The following PCDH15 variants were observed in gnomAD, a reference collection of about 807,000 sequenced individuals.
PCDH15 encodes the protein protocadherin related 15.
In PCDH15, 129 loss-of-function variants were observed where a neutral mutation model predicts 178.5. The observed-to-expected ratio is 0.72, with a 90% CI of 0.63 to 0.84. PCDH15 has a LOEUF of 0.84. Among genes scored for constraint, PCDH15 ranks in the 40% least tolerant of loss-of-function variants. The pLI is 0.00. For missense variants in PCDH15, 2,230 were observed against 2,099.9 expected (o/e 1.06, Z -1.21); for synonymous variants, 800 against 732.0 (o/e 1.09, Z -1.50).
intron 2 of PCDH15, among the ~76,000 whole-genome samples, chr10:55,147,831 C>CTTTTTCTCCTCTTCCTA (rs1564838358): frequency 6.6e-6 from 1 of 151,172 alleles, no homozygotes; most frequent in East Asian, 1.9e-4. Flanking sequence ...TCCTCTTCCT[C>CTTTTTCTCCTCTTCCTA]CTTTTTCTCC....
At chr10:53,870,432 T>C (rs533812699) in intron 26 of PCDH15, among the ~76,000 whole-genome samples, 2 of 152,230 alleles carry the variant, frequency 1.3e-5, no homozygotes, top group Admixed American at 6.5e-5. Context: ...GTCATATGTA[T>C]GTTATACAGT....
At chr10:55,493,787 A>G (rs915806320) in intron 2 of PCDH15, among the ~76,000 whole-genome samples, 3 of 151,906 alleles carry the variant, frequency 2.0e-5, no homozygotes, top group African/African-American at 2.4e-5. Context: ...AAATTAAGTG[A>G]TTAAGTGATT....
chr10:54,646,177 A>T (rs1243249982), intron 2 of PCDH15, among the ~76,000 whole-genome samples: 1 of 152,066 alleles, frequency 6.6e-6, no homozygotes, highest in Non-Finnish European at 1.5e-5. Context: ...TCTTTTTGTA[A>T]TCTATTGCAG....
chr10:54,990,838 GA>G (rs1247692173), intron 2 of PCDH15, among the ~76,000 whole-genome samples: 1 of 151,970 alleles, frequency 6.6e-6, no homozygotes, highest in African/African-American at 2.4e-5. Context: ...GAAAGGAAAG[GA>G]AATCCCCTCA....
intron 2 of PCDH15, among the ~76,000 whole-genome samples, chr10:55,139,433 A>C (rs1838289047): frequency 6.6e-6 from 1 of 152,074 alleles, no homozygotes; most frequent in Non-Finnish European, 1.5e-5. Context: ...ATATAAGTCC[A>C]TGCTCCATTT....
chr10:55,320,756 A>G (rs535541331), upstream of PCDH15, among the ~76,000 whole-genome samples: 5 of 152,302 alleles, frequency 3.3e-5, no homozygotes, highest in South Asian at 1.0e-3. Context: ...GATATCAAAG[A>G]TAAAAGAAAA....
chr10:54,997,804 T>G (rs975816378), intron 2 of PCDH15, among the ~76,000 whole-genome samples: 1 of 152,118 alleles, frequency 6.6e-6, no homozygotes, highest in South Asian at 2.1e-4. Context: ...CTAAAAAAAA[T>G]GAAAGATTCC....
intron 3 of PCDH15, among the ~76,000 whole-genome samples, chr10:54,394,584 G>A (rs1301065609): frequency 6.6e-6 from 1 of 152,180 alleles, no homozygotes; most frequent in East Asian, 1.9e-4. Context: ...AAGATCACAG[G>A]ACCGCAGGAC....
intron 1 of PCDH15, among the ~76,000 whole-genome samples, chr10:55,273,306 A>G (rs953711542): frequency 1.3e-5 from 2 of 152,130 alleles, no homozygotes; most frequent in African/African-American, 4.8e-5. Flanking sequence ...TGTCATTTCA[A>G]CATCTTACTA....
intron 2 of PCDH15, among the ~76,000 whole-genome samples, chr10:55,351,560 A>C (rs2131967654): frequency 6.6e-6 from 1 of 152,238 alleles, no homozygotes; most frequent in East Asian, 1.9e-4. Flanking sequence ...AAGTCTTTAT[A>C]ATCCCCTTTT....
chr10:54,550,187 GTTTGT>G (rs544199156), intron 2 of PCDH15, among the ~76,000 whole-genome samples: 3 of 152,068 alleles, frequency 2.0e-5, no homozygotes, highest in Non-Finnish European at 2.9e-5. Flanking sequence ...TTTAAAAAGA[GTTTGT>G]TTTGTTTTGT....
intron 2 of PCDH15, among the ~76,000 whole-genome samples, chr10:55,483,128 T>C (rs912557958): frequency 6.6e-6 from 1 of 151,544 alleles, no homozygotes; most frequent in Non-Finnish European, 1.5e-5. Context: ...AAAAGAAAAA[T>C]TGACAAATGA....
intron 35 of PCDH15, among the ~76,000 whole-genome samples, chr10:53,812,081 T>C (rs1397243572): frequency 2.0e-5 from 3 of 152,228 alleles, no homozygotes; most frequent in African/African-American, 7.2e-5. Flanking sequence ...CCCAGTATTC[T>C]TCTATTCATT....
intron 4 of PCDH15, 138 bp from the exon 5 acceptor site, chr10:54,369,413 A>T (rs1472093078): frequency 3.6e-6 from 3 of 828,738 alleles, no homozygotes; most frequent in Non-Finnish European, 3.8e-6. Context: ...GAAAATGATC[A>T]TTTTAAGGAC....
rs769113786 is a variant in PCDH15 at position 54,378,894 on chromosome 10, G to A, written c.206C>T (p.Pro69Leu). 2 of 1,613,604 alleles carry A rather than the reference G, an allele frequency of 1.2e-6. No individual in the cohort carries two copies. Among genetic ancestry groups the A allele is most frequent in the Non-Finnish European group, 1.7e-6 (2 of 1,179,784 alleles). Residue 69 changes from proline to leucine, a missense_variant, in exon 4 of 38, where the codon CCA becomes CTA. By Grantham distance (98) the Pro-to-Leu change is moderately conservative. Coordinates refer to ENST00000644397, the MANE Select transcript of PCDH15 (RefSeq NM_001384140.1). ...TAAAGAAAGTTCTATGGTGGGGTCT[G>A]GTCCTCCAGCAGTCCCTTTGATCAG... is the stretch of plus-strand genomic sequence containing the variant. ...NMLIKGTAGG[P>L]DPTIELSLKD...
At chr10:54,697,515 G>GTGTGTATATATATATATATATA (rs1555156234) in intron 1 of PCDH15, among the ~76,000 whole-genome samples, 6 of 143,056 alleles carry the variant, frequency 4.2e-5, no homozygotes, top group African/African-American at 1.6e-4. Context: ...TGAAATGTGT[G>GTGTGTATATATATATATATATA]TATATATATA....
At chr10:54,627,615 G>C (rs577806504) in intron 2 of PCDH15, among the ~76,000 whole-genome samples, 5 of 152,120 alleles carry the variant, frequency 3.3e-5, no homozygotes, top group African/African-American at 1.2e-4. Context: ...GTCCAGTCTT[G>C]GGTATGTCTT....
chr10:54,092,004 C>A (rs1027590444), intron 15 of PCDH15, among the ~76,000 whole-genome samples: 1 of 152,060 alleles, frequency 6.6e-6, no homozygotes, highest in African/African-American at 2.4e-5. Flanking sequence ...AATAATAAGC[C>A]TCCCCAATTT....
chr10:54,255,024 G>T (rs529885092), intron 8 of PCDH15, among the ~76,000 whole-genome samples: 1 of 152,136 alleles, frequency 6.6e-6, no homozygotes, highest in African/African-American at 2.4e-5. Context: ...CATCACACTC[G>T]CATCAGAAGC....
Sources: allele counts gnomAD v4.1 joint callset (sites outside exome capture counted in the v4.1 genomes callset), GRCh38; gene constraint gnomAD v4.1.1; transcripts MANE v1.5; gene names NCBI Gene and HGNC (gene_info 2026-07-23, HGNC 2026-07-21).